Variants in SLF1 observed in about 807,000 individuals in gnomAD.
SLF1 encodes SMC5/6 complex localization factor 1.
Under a neutral mutation model 123.0 loss-of-function variants are expected in SLF1, and 105 were observed. The ratio of observed to expected loss-of-function variants is 0.85; its 90% CI spans 0.73 to 1.00. The LOEUF is 1.00. Among genes scored for constraint, SLF1 ranks in the 50% least tolerant of loss-of-function variants. The pLI, the probability that SLF1 is intolerant of heterozygous loss-of-function variation, is 0.00. For missense variants in SLF1, 1,239 were observed against 1,223.0 expected, an observed-to-expected ratio of 1.01 and a Z score of -0.20; for synonymous variants, 434 against 406.6, an observed-to-expected ratio of 1.07 and a Z score of -0.81.
chr5:94,643,419 G>A lies in SLF1; in HGVS notation c.578G>A (p.Gly193Glu), dbSNP rs1160144255. 2 of 1,477,830 alleles carry A rather than the reference G, an allele frequency of 1.4e-6. No homozygotes were observed. The highest frequency in any genetic ancestry group is 1.8e-6 in the Non-Finnish European group (2 of 1,110,608). The allele number at this position is 1,477,830 out of a possible 1,614,324, so 91.5% of individuals were successfully genotyped here. Residue 193 changes from glycine to glutamate, a missense_variant, in exon 5 of 21, where the codon GGG becomes GAG. Transcript: ENST00000265140. The part of the protein sequence containing the change: ...KAPFYPIQYL[G>E]DFLLEKEIQN... ...CCATTTTATCCAATTCAGTATCTAG[G>A]GGATTTTCTTTTAGAGGTAAGTAAA...
intron 10 of SLF1, among the ~76,000 whole-genome samples, chr5:94,662,804 C>T (rs1343887445): frequency 6.6e-6 from 1 of 152,198 alleles, no homozygotes. Flanking sequence ...GGGAATCGGG[C>T]TTGAGGCCCT....
chr5:94,623,993 T>A (rs1331603397), intron 1 of SLF1, among the ~76,000 whole-genome samples: 1 of 152,204 alleles, frequency 6.6e-6, no homozygotes, highest in East Asian at 1.9e-4. Context: ...GCTAAATGTA[T>A]TATAAACTGT....
At chr5:94,669,262 T>G (rs1184292757) in intron 12 of SLF1, among the ~76,000 whole-genome samples, 1 of 152,124 alleles carries the variant, frequency 6.6e-6, no homozygotes, top group African/African-American at 2.4e-5. Context: ...ATGAAGGATC[T>G]TATAGATAGA....
intron 1 of SLF1, among the ~76,000 whole-genome samples, chr5:94,627,601 T>TATATAA (rs1019154391): frequency 7.4e-6 from 1 of 134,462 alleles, no homozygotes; most frequent in East Asian, 2.0e-4. Context: ...TATATATATA[T>TATATAA]ATATATATAT....
At chr5:94,665,615 G>A (rs187762804) in intron 11 of SLF1, among the ~76,000 whole-genome samples, 1 of 152,110 alleles carries the variant, frequency 6.6e-6, no homozygotes, top group Non-Finnish European at 1.5e-5. Context: ...CAGGCATGGT[G>A]GTGGGTGCCT....
At chr5:94,680,803 T>C (rs1298472298) in intron 15 of SLF1, among the ~76,000 whole-genome samples, 1 of 152,228 alleles carries the variant, frequency 6.6e-6, no homozygotes, top group African/African-American at 2.4e-5. Context: ...AGGACATTGT[T>C]ATCCAGTGTT....
intron 15 of SLF1, among the ~76,000 whole-genome samples, chr5:94,679,603 AAAC>A (rs1751527545): frequency 6.6e-6 from 1 of 151,938 alleles, no homozygotes; most frequent in South Asian, 2.1e-4. Context: ...TTAAAAAAAA[AAAC>A]AAACAAAAAA....
chr5:94,678,687 A>G (rs894070930), intron 14 of SLF1, 121 bp from the exon 15 acceptor site: 7 of 811,320 alleles, frequency 8.6e-6, no homozygotes, highest in East Asian at 2.7e-5. Flanking sequence ...ACCTTTAATC[A>G]TTACATACCC....
At chr5:94,688,455 T>G in intron 16 of SLF1, 51 bp from the exon 17 acceptor site, 1 of 1,552,726 alleles carries the variant, frequency 6.4e-7, no homozygotes. Context: ...TAATTTCTCT[T>G]TACTGCTGTT....
rs1753494328 is a variant in SLF1 at position 94,696,065 on chromosome 5, G to A, written c.*753G>A. 1 of 151,738 alleles carries A rather than the reference G, an allele frequency of 6.6e-6. No individual in the cohort carries two copies. Among genetic ancestry groups the A allele is most frequent in the Admixed American group, 6.6e-5 (1 of 15,198 alleles). 9.4% of individuals were successfully genotyped at this position (151,738 alleles called of 1,614,324 possible). Reference sequence around the variant, plus strand: ...TATTAAGATATTGAGTGGCATCTAAGTAATAGATTTGAGATTATTTAAGAT... The same window carrying A: ...TATTAAGATATTGAGTGGCATCTAAATAATAGATTTGAGATTATTTAAGAT... On this transcript the variant is annotated 3_prime_UTR_variant, in exon 21 of 21. Coordinates refer to ENST00000265140, the MANE Select transcript of SLF1 (RefSeq NM_032290.4).
Position 94,629,100 on chromosome 5 carries a change from A to T in SLF1, c.123A>T (p.Lys41Asn). The T allele has an allele frequency of 6.5e-7, 1 of 1,541,142 alleles. No individual in the cohort carries two copies. Among genetic ancestry groups the T allele is most frequent in the Non-Finnish European group, 8.8e-7 (1 of 1,142,450 alleles). ...TGGATTTTTCCCTCCAGAAATACAAAAATTGTACACATCTTATAGCTGAAC... is the reference window on the plus strand; with the variant it reads ...TGGATTTTTCCCTCCAGAAATACAATAATTGTACACATCTTATAGCTGAAC... The part of the protein sequence containing the change: ...DCTFIKSEKY[K>N]NCTHLIAERL... Residue 41 changes from lysine (K) to asparagine (N), a missense_variant, in exon 3 of 21, where the codon AAA becomes AAT. Coordinates refer to ENST00000265140, the MANE Select transcript of SLF1 (RefSeq NM_032290.4).
chr5:94,667,602 G>A (rs780946785), intron 12 of SLF1, among the ~76,000 whole-genome samples: 1 of 152,106 alleles, frequency 6.6e-6, no homozygotes, highest in East Asian at 1.9e-4. Flanking sequence ...ATTTCTTAGC[G>A]AAATACGTAA....
At chr5:94,678,404 A>ATAAT (rs1342445496) in intron 14 of SLF1, 3 of 153,430 alleles carry the variant, frequency 2.0e-5, no homozygotes, top group African/African-American at 7.2e-5. Flanking sequence ...AATGTAAAGA[A>ATAAT]TAATTCTGTA....
chr5:94,675,494 T>C (rs1750940808), intron 14 of SLF1, among the ~76,000 whole-genome samples: 1 of 152,190 alleles, frequency 6.6e-6, no homozygotes, highest in African/African-American at 2.4e-5. Context: ...CCACTAATAC[T>C]GGAAGGAATA....
intron 1 of SLF1, among the ~76,000 whole-genome samples, chr5:94,626,169 C>T (rs991668139): frequency 6.7e-6 from 1 of 150,244 alleles, no homozygotes; most frequent in African/African-American, 2.5e-5. Context: ...CGGAGAATGG[C>T]GTGAACCCAG....
intron 20 of SLF1, among the ~76,000 whole-genome samples, chr5:94,693,144 G>GCATTT (rs2152499912): frequency 6.6e-6 from 1 of 152,068 alleles, no homozygotes; most frequent in African/African-American, 2.4e-5. Context: ...TTCTTAAGAT[G>GCATTT]TCTTTTTAGT....
At chr5:94,634,069 A>G (rs1341013159) in intron 4 of SLF1, among the ~76,000 whole-genome samples, 1 of 152,004 alleles carries the variant, frequency 6.6e-6, no homozygotes, top group Non-Finnish European at 1.5e-5. Flanking sequence ...TCTTTGACCC[A>G]TTGATTATTT....
intron 1 of SLF1, among the ~76,000 whole-genome samples, chr5:94,619,615 T>C (rs1419578024): frequency 1.2e-5 from 1 of 85,682 alleles, no homozygotes; most frequent in African/African-American, 4.5e-5. Context: ...AAAAATTTTG[T>C]TGTTGTTGTT....
intron 4 of SLF1, among the ~76,000 whole-genome samples, chr5:94,635,688 A>G (rs756525759): frequency 6.7e-6 from 1 of 150,192 alleles, no homozygotes; most frequent in Non-Finnish European, 1.5e-5. Context: ...ATATATAATA[A>G]CTCTACACAT....
Sources: gnomAD v4.1 joint callset for allele counts (sites outside exome capture counted in the v4.1 genomes callset) on GRCh38, gnomAD v4.1.1 for gene constraint, MANE v1.5 for transcripts, NCBI Gene and HGNC (gene_info 2026-07-23, HGNC 2026-07-21) for gene names.